FSTL5: variants seen among roughly 807,000 people sequenced by gnomAD.
The protein encoded by FSTL5 is follistatin-related protein 5.
Under a neutral mutation model 89.1 loss-of-function variants are expected in FSTL5, and 62 were observed. The observed-to-expected ratio is 0.70, with a 90% CI of 0.57 to 0.86. FSTL5 has a LOEUF of 0.86. FSTL5 is among the 40% of genes least tolerant of loss of function. The probability of loss-of-function intolerance (pLI) is 0.00; values close to 1 mark genes in which losing one functional copy is unlikely to be tolerated. For missense variants in FSTL5, 1,057 were observed against 1,001.6 expected, an observed-to-expected ratio of 1.06 and a Z score of -0.75; for synonymous variants, 383 against 346.2, an observed-to-expected ratio of 1.11 and a Z score of -1.18.
At chr4:161,754,129 T>A (rs1219082572) in intron 6 of FSTL5, among the ~76,000 whole-genome samples, 1 of 148,540 alleles carries the variant, frequency 6.7e-6, no homozygotes, top group African/African-American at 2.6e-5. Flanking sequence ...TGATTTAAAT[T>A]TTTTTTAATA....
At chr4:161,918,671 G>A (rs963577586) in intron 4 of FSTL5, among the ~76,000 whole-genome samples, 1 of 151,562 alleles carries the variant, frequency 6.6e-6, no homozygotes, top group Non-Finnish European at 1.5e-5. Flanking sequence ...TTGAGACGGG[G>A]TCTCGCTCTG....
chr4:161,808,719 T>C (rs1453777638), intron 4 of FSTL5, among the ~76,000 whole-genome samples: 1 of 152,098 alleles, frequency 6.6e-6, no homozygotes, highest in Non-Finnish European at 1.5e-5. Flanking sequence ...ATGTACAGAA[T>C]GTGAGAAAAT....
At chr4:161,720,436 C>T (rs1312911259) in intron 6 of FSTL5, among the ~76,000 whole-genome samples, 3 of 151,878 alleles carry the variant, frequency 2.0e-5, no homozygotes, top group Non-Finnish European at 4.4e-5. Context: ...GGTGTAGTCA[C>T]TAGGAAAAAG....
intron 4 of FSTL5, among the ~76,000 whole-genome samples, chr4:161,818,255 C>T (rs948580648): frequency 6.6e-6 from 1 of 152,172 alleles, no homozygotes; most frequent in African/African-American, 2.4e-5. Flanking sequence ...CGCTGAGCAG[C>T]CCGACTCCAG....
At chr4:161,450,969 C>T (rs1324597150) in intron 15 of FSTL5, among the ~76,000 whole-genome samples, 2 of 152,070 alleles carry the variant, frequency 1.3e-5, no homozygotes, top group Non-Finnish European at 2.9e-5. Context: ...TGGTCTCGAT[C>T]TCCTGACCTC....
At chr4:161,996,216 G>A (rs1480343827) in intron 3 of FSTL5, among the ~76,000 whole-genome samples, 1 of 152,148 alleles carries the variant, frequency 6.6e-6, no homozygotes, top group African/African-American at 2.4e-5. Flanking sequence ...TCTGCACATG[G>A]CAAAGCCCCA....
chr4:161,415,931 A>T (rs1578956314), intron 15 of FSTL5, among the ~76,000 whole-genome samples: 1 of 151,616 alleles, frequency 6.6e-6, no homozygotes, highest in Admixed American at 6.6e-5. Context: ...TAGCCTGCGC[A>T]GATCATTTCT....
chr4:161,885,216 TTAAA>T (rs1298857139), intron 4 of FSTL5, among the ~76,000 whole-genome samples: 9 of 152,190 alleles, frequency 5.9e-5, no homozygotes, highest in Admixed American at 4.6e-4. Flanking sequence ...ATTTTAAAAG[TTAAA>T]TAAACACAAA....
intron 15 of FSTL5, among the ~76,000 whole-genome samples, chr4:161,425,781 A>G (rs912832062): frequency 6.6e-6 from 1 of 152,186 alleles, no homozygotes; most frequent in Admixed American, 6.5e-5. Context: ...CAGTGAGATT[A>G]AAGGATATGC....
chr4:161,785,267 T>TG (rs1197218354), intron 4 of FSTL5, among the ~76,000 whole-genome samples: 2 of 152,204 alleles, frequency 1.3e-5, no homozygotes, highest in Non-Finnish European at 1.5e-5. Context: ...GCTTTACTGT[T>TG]ATTTTTTCTG....
At chr4:161,688,779 G>A (rs1431433019) in intron 6 of FSTL5, among the ~76,000 whole-genome samples, 2 of 151,900 alleles carry the variant, frequency 1.3e-5, no homozygotes, top group Non-Finnish European at 1.5e-5. Flanking sequence ...GTTTTCTAAT[G>A]TTTATTGCCA....
chr4:162,007,348 T>A (rs978015774), intron 3 of FSTL5, among the ~76,000 whole-genome samples: 11 of 151,834 alleles, frequency 7.2e-5, no homozygotes, highest in Admixed American at 5.3e-4. Flanking sequence ...TATGTTGAGT[T>A]ACTAACATAA....
At chr4:161,473,044 T>C (rs1734004261) in intron 13 of FSTL5, among the ~76,000 whole-genome samples, 1 of 152,164 alleles carries the variant, frequency 6.6e-6, no homozygotes, top group African/African-American at 2.4e-5. Context: ...TTAAAATCTA[T>C]TGAGACTTAA....
chr4:161,670,939 G>C (rs1737080415), intron 6 of FSTL5, among the ~76,000 whole-genome samples: 1 of 152,178 alleles, frequency 6.6e-6, no homozygotes, highest in South Asian at 2.1e-4. Context: ...ATCAGGTTTA[G>C]TAAGGAATGT....
At chr4:161,902,613 C>T (rs1004880843) in intron 4 of FSTL5, among the ~76,000 whole-genome samples, 2 of 151,888 alleles carry the variant, frequency 1.3e-5, no homozygotes, top group Admixed American at 1.3e-4. Context: ...TTTGGGAGGC[C>T]GAGGCGGGAG....
At chr4:162,021,337 T>C (rs964065255) in intron 3 of FSTL5, among the ~76,000 whole-genome samples, 2 of 152,134 alleles carry the variant, frequency 1.3e-5, no homozygotes, top group African/African-American at 4.8e-5. Context: ...TACAATTAGT[T>C]ACATTTAGCT....
At chr4:161,581,260 T>C (rs1237279218) in intron 8 of FSTL5, among the ~76,000 whole-genome samples, 1 of 152,174 alleles carries the variant, frequency 6.6e-6, no homozygotes, top group African/African-American at 2.4e-5. Flanking sequence ...CCTGAGAATT[T>C]GCCTTTAAAA....
chr4:161,787,613 T>C (rs1185879474), intron 4 of FSTL5, among the ~76,000 whole-genome samples: 1 of 152,120 alleles, frequency 6.6e-6, no homozygotes, highest in Non-Finnish European at 1.5e-5. Flanking sequence ...AAAAATATGA[T>C]GAAAAAGAGA....
chr4:162,048,822 G>C (rs1488634287), intron 2 of FSTL5, among the ~76,000 whole-genome samples: 2 of 152,100 alleles, frequency 1.3e-5, no homozygotes, highest in Non-Finnish European at 2.9e-5. Flanking sequence ...TATCCTCTTG[G>C]AGTTATGGGG....
Sources: allele counts gnomAD v4.1 joint callset (sites outside exome capture counted in the v4.1 genomes callset), GRCh38; gene constraint gnomAD v4.1.1; transcripts MANE v1.5; gene names NCBI Gene and HGNC (gene_info 2026-07-23, HGNC 2026-07-21).